Variants in ADAMTS6 observed in about 807,000 individuals in gnomAD.
ADAMTS6 encodes A disintegrin and metalloproteinase with thrombospondin motifs 6.
A neutral mutation model predicts 144.3 loss-of-function variants in ADAMTS6; 23 were observed. The observed-to-expected ratio is 0.16, with a 90% CI of 0.11 to 0.23. The LOEUF (loss-of-function observed/expected upper bound fraction) is 0.23, where lower values mean the gene tolerates loss of function less well. ADAMTS6 is among the 10% of genes least tolerant of loss of function. The pLI, the probability that ADAMTS6 is intolerant of heterozygous loss-of-function variation, is 1.00. For synonymous variants in ADAMTS6, 444 were observed against 457.5 expected (o/e 0.97, Z 0.38); for missense variants, 999 against 1,379.6 (o/e 0.72, Z 4.37).
At chr5:65,433,580 T>C (rs1043003034) in intron 7 of ADAMTS6, among the ~76,000 whole-genome samples, 5 of 152,130 alleles carry the variant, frequency 3.3e-5, no homozygotes, top group African/African-American at 9.7e-5. Flanking sequence ...TACAATCTAA[T>C]CAAGTAAAAG....
chr5:65,475,129 A>G (rs1760755130), intron 1 of ADAMTS6, among the ~76,000 whole-genome samples: 1 of 152,182 alleles, frequency 6.6e-6, no homozygotes, highest in Non-Finnish European at 1.5e-5. Flanking sequence ...AAAATGGATG[A>G]GTAAAAGAAT....
At chr5:65,296,988 C>G in intron 10 of ADAMTS6, 1 of 215,758 alleles carries the variant, frequency 4.6e-6, no homozygotes, top group South Asian at 6.0e-5. Context: ...CTGTCTTCCA[C>G]TGCCTGGTAA....
chr5:65,321,012 C>A (rs1487015715), intron 9 of ADAMTS6, among the ~76,000 whole-genome samples: 2 of 152,154 alleles, frequency 1.3e-5, no homozygotes, highest in East Asian at 3.8e-4. Flanking sequence ...AATGAACATA[C>A]ATGTGCATTT....
chr5:65,304,459 G>T (rs191155531), intron 9 of ADAMTS6, among the ~76,000 whole-genome samples: 63 of 152,250 alleles, frequency 4.1e-4, no homozygotes, highest in Non-Finnish European at 8.1e-4. Flanking sequence ...GGGGGCCAGG[G>T]TCTGGCTCTG....
chr5:65,401,355 AC>A (rs1464192987), intron 7 of ADAMTS6, among the ~76,000 whole-genome samples: 1 of 152,172 alleles, frequency 6.6e-6, no homozygotes, highest in Non-Finnish European at 1.5e-5. Context: ...CTCTGATCAA[AC>A]CCCACAGATT....
intron 24 of ADAMTS6, among the ~76,000 whole-genome samples, chr5:65,159,149 T>C (rs1190628018): frequency 1.3e-5 from 2 of 152,134 alleles, no homozygotes; most frequent in African/African-American, 2.4e-5. Flanking sequence ...CATTTTATTA[T>C]TTTCCCCCCA....
intron 7 of ADAMTS6, among the ~76,000 whole-genome samples, chr5:65,370,895 C>T (rs978848412): frequency 2.0e-5 from 3 of 152,192 alleles, no homozygotes; most frequent in African/African-American, 7.2e-5. Flanking sequence ...TTGAAGAGAG[C>T]AGTGATTCTC....
chr5:65,243,787 A>G (rs967821986), intron 14 of ADAMTS6, among the ~76,000 whole-genome samples: 5 of 152,116 alleles, frequency 3.3e-5, no homozygotes, highest in African/African-American at 1.2e-4. Context: ...GCAGCAGACT[A>G]CTTTTAAAAG....
intron 7 of ADAMTS6, among the ~76,000 whole-genome samples, chr5:65,428,199 C>T (rs1210095972): frequency 7.2e-6 from 1 of 139,388 alleles, no homozygotes; most frequent in Non-Finnish European, 1.5e-5. Context: ...GCATTCCAGC[C>T]TGCGCAACAG....
At chr5:65,401,589 A>G (rs1753920353) in intron 7 of ADAMTS6, among the ~76,000 whole-genome samples, 1 of 152,152 alleles carries the variant, frequency 6.6e-6, no homozygotes, top group African/African-American at 2.4e-5. Context: ...TAACTCTTAC[A>G]CTTGTCCACA....
Position 65,322,890 on chromosome 5 carries a change from G to T in ADAMTS6, c.1223+6488C>A, listed in dbSNP as rs974408309. Among the ~76,000 whole-genome samples the T allele has an allele frequency of 5.9e-5, 9 of 152,066 alleles. 1 individual carries two copies. The highest frequency in any genetic ancestry group is 2.6e-4 in the Admixed American group (4 of 15,256). On this transcript the variant is annotated intron_variant, in intron 9 of 24. Coordinates refer to ENST00000381055, the MANE Select transcript of ADAMTS6 (RefSeq NM_197941.4). Reference sequence around the variant, plus strand: ...GTTTATTTCTTTCTCTTGCCTGACTGCCCTGGCCAGAACTTCCAATACTAA... The same window carrying T: ...GTTTATTTCTTTCTCTTGCCTGACTTCCCTGGCCAGAACTTCCAATACTAA...
chr5:65,441,045 A>G (rs1019846899), intron 7 of ADAMTS6, among the ~76,000 whole-genome samples: 1 of 152,214 alleles, frequency 6.6e-6, no homozygotes, highest in Non-Finnish European at 1.5e-5. Flanking sequence ...GAAATTGTCA[A>G]TTGAAACCAA....
chr5:65,278,485 C>T (rs1032798521), intron 11 of ADAMTS6, among the ~76,000 whole-genome samples: 1 of 152,178 alleles, frequency 6.6e-6, no homozygotes, highest in East Asian at 1.9e-4. Flanking sequence ...TCCATGACAA[C>T]ATCTATTGTT....
chr5:65,326,038 A>C (rs62369651), intron 9 of ADAMTS6, among the ~76,000 whole-genome samples: 1 of 152,162 alleles, frequency 6.6e-6, no homozygotes, highest in Non-Finnish European at 1.5e-5. Flanking sequence ...TTCTTTTAAA[A>C]GAAAATCCTG....
At chr5:65,219,729 A>C (rs1430203457) in intron 18 of ADAMTS6, among the ~76,000 whole-genome samples, 2 of 152,212 alleles carry the variant, frequency 1.3e-5, no homozygotes, top group African/African-American at 4.8e-5. Context: ...ATTATCAGGA[A>C]TACAGAGGAA....
At chr5:65,368,159 T>C (rs571086751) in intron 7 of ADAMTS6, among the ~76,000 whole-genome samples, 23 of 152,302 alleles carry the variant, frequency 1.5e-4, no homozygotes, top group African/African-American at 5.5e-4. Context: ...TGCCCTCTTA[T>C]TCCAATTTCA....
At chr5:65,308,900 C>T (rs948453435) in intron 9 of ADAMTS6, among the ~76,000 whole-genome samples, 3 of 152,082 alleles carry the variant, frequency 2.0e-5, no homozygotes, top group Admixed American at 2.0e-4. Flanking sequence ...ACTTCAATAC[C>T]TATTATAAAA....
At chr5:65,313,027 T>C (rs1175194820) in intron 9 of ADAMTS6, among the ~76,000 whole-genome samples, 1 of 151,952 alleles carries the variant, frequency 6.6e-6, no homozygotes, top group East Asian at 1.9e-4. Context: ...TGCCTACAAA[T>C]TAACTTCTTT....
intron 9 of ADAMTS6, among the ~76,000 whole-genome samples, chr5:65,317,095 G>A (rs75634799): frequency 0.011 from 1,741 of 152,188 alleles, 29 homozygotes; most frequent in African/African-American, 0.039. Flanking sequence ...GAGCCACTGC[G>A]CCTGGCTGAC....
Sources: gnomAD v4.1 joint callset for allele counts (sites outside exome capture counted in the v4.1 genomes callset) on GRCh38, gnomAD v4.1.1 for gene constraint, MANE v1.5 for transcripts, NCBI Gene and HGNC (gene_info 2026-07-23, HGNC 2026-07-21) for gene names.